Variants in ARNT2 observed in about 807,000 individuals in gnomAD.
ARNT2 encodes ARNT protein 2.
In ARNT2, 36 loss-of-function variants were observed where a neutral mutation model predicts 91.7. The observed-to-expected ratio is 0.39, with a 90% CI of 0.30 to 0.52. ARNT2 has a LOEUF of 0.52. ARNT2 is among the 20% of genes least tolerant of loss of function. ARNT2 has a pLI of 0.72. For missense variants in ARNT2, 775 were observed against 939.3 expected (o/e 0.83, Z 2.29); for synonymous variants, 365 against 347.1 (o/e 1.05, Z -0.57).
intron 10 of ARNT2, 117 bp downstream of exon 10, chr15:80,552,891 C>CTGCCTAG (rs1898108402): frequency 7.6e-7 from 1 of 1,307,912 alleles, no homozygotes; most frequent in Non-Finnish European, 1.1e-6. Context: ...CATAAAGACC[C>CTGCCTAG]ATATACCCTG....
chr15:80,546,734 G>T (rs1897997078), intron 8 of ARNT2, among the ~76,000 whole-genome samples: 1 of 152,180 alleles, frequency 6.6e-6, no homozygotes, highest in Non-Finnish European at 1.5e-5. Context: ...GGAGGCTGAG[G>T]CAGGTGGATC....
At chr15:80,565,418 C>T (rs917335112) in intron 12 of ARNT2, among the ~76,000 whole-genome samples, 1 of 152,132 alleles carries the variant, frequency 6.6e-6, no homozygotes, top group African/African-American at 2.4e-5. Context: ...TTTTTAGCTC[C>T]TTGAGAAATC....
At chr15:80,414,410 T>G (rs1472426219) in intron 1 of ARNT2, among the ~76,000 whole-genome samples, 1 of 152,080 alleles carries the variant, frequency 6.6e-6, no homozygotes, top group Non-Finnish European at 1.5e-5. Flanking sequence ...CTCTGGACAG[T>G]GGCAACTAGA....
intron 1 of ARNT2, among the ~76,000 whole-genome samples, chr15:80,426,966 C>T (rs1241414785): frequency 6.6e-6 from 1 of 152,168 alleles, no homozygotes; most frequent in Non-Finnish European, 1.5e-5. Context: ...TTCATCCTAT[C>T]ATGGAAGCTC....
chr15:80,436,849 G>A (rs779262062), intron 1 of ARNT2, among the ~76,000 whole-genome samples: 4 of 152,182 alleles, frequency 2.6e-5, no homozygotes, highest in East Asian at 1.9e-4. Flanking sequence ...TGAGCCCAGC[G>A]GGCATGACTC....
intron 5 of ARNT2, among the ~76,000 whole-genome samples, chr15:80,479,841 G>C (rs1009915484): frequency 1.3e-5 from 2 of 152,140 alleles, no homozygotes; most frequent in African/African-American, 4.8e-5. Context: ...GGGAGACTCT[G>C]AGCTAAGATG....
Position 80,470,275 on chromosome 15 carries a change from G to T in ARNT2, c.252G>T (p.Thr84=), listed in dbSNP as rs755964901. Residue 84 remains threonine (T), a synonymous_variant, in exon 4 of 19, where the codon ACG becomes ACT. Coordinates refer to ENST00000303329, the MANE Select transcript of ARNT2 (RefSeq NM_014862.4). ...GGAACAAGATGACTCAGTACATCAC[G>T]GAGCTCTCCGACATGGTCCCCACAT... ...RRRNKMTQYI[T]ELSDMVPTCS... 1 of 1,614,130 alleles carries T rather than the reference G, an allele frequency of 6.2e-7. No homozygotes were observed. The highest frequency in any genetic ancestry group is 1.1e-5 in the South Asian group (1 of 91,066).
At chr15:80,466,560 G>A (rs1197315911) in intron 3 of ARNT2, among the ~76,000 whole-genome samples, 1 of 152,220 alleles carries the variant, frequency 6.6e-6, no homozygotes, top group Non-Finnish European at 1.5e-5. Flanking sequence ...CCTCCAGGCA[G>A]ACCCCAAATT....
chr15:80,590,701 C>A (rs1331846844), intron 17 of ARNT2, among the ~76,000 whole-genome samples: 1 of 152,234 alleles, frequency 6.6e-6, no homozygotes, highest in Admixed American at 6.5e-5. Flanking sequence ...ATGATTGCAC[C>A]ACTGCATTCC....
chr15:80,530,031 G>A (rs1897710394), intron 8 of ARNT2, among the ~76,000 whole-genome samples: 1 of 152,106 alleles, frequency 6.6e-6, no homozygotes, highest in African/African-American at 2.4e-5. Context: ...TCCTTTTCTA[G>A]TGGAAACATT....
At chr15:80,431,249 C>T (rs111786428) in intron 1 of ARNT2, among the ~76,000 whole-genome samples, 5 of 152,336 alleles carry the variant, frequency 3.3e-5, no homozygotes, top group African/African-American at 1.2e-4. Context: ...GCATGTTCTT[C>T]TCGAGGGCCT....
intron 8 of ARNT2, among the ~76,000 whole-genome samples, chr15:80,514,611 A>C (rs1897401998): frequency 6.6e-6 from 1 of 152,154 alleles, no homozygotes; most frequent in Non-Finnish European, 1.5e-5. Context: ...GTGCAACCAG[A>C]CGCAGTGGCT....
At chr15:80,440,955 C>T (rs1047325057) in intron 1 of ARNT2, among the ~76,000 whole-genome samples, 2 of 152,170 alleles carry the variant, frequency 1.3e-5, no homozygotes, top group African/African-American at 4.8e-5. Context: ...CCCATGGAGG[C>T]CCTTTGGGAA....
At chr15:80,524,874 CAAAA>C (rs36043186) in intron 8 of ARNT2, among the ~76,000 whole-genome samples, 1 of 89,292 alleles carries the variant, frequency 1.1e-5, no homozygotes. Flanking sequence ...GACTCTGTCT[CAAAA>C]AAAAAAAAAA....
At chr15:80,429,105 T>C (rs1037837009) in intron 1 of ARNT2, among the ~76,000 whole-genome samples, 6 of 152,150 alleles carry the variant, frequency 3.9e-5, no homozygotes, top group African/African-American at 1.4e-4. Context: ...TAATAAGAAA[T>C]ATATATTTGG....
rs1255996191 is a variant in ARNT2 at position 80,591,118 on chromosome 15, G to A, written c.1919-450G>A. 1.3e-5 allele frequency among the ~76,000 whole-genome samples: 2 copies of A among 152,232 alleles called. No individual in the cohort carries two copies. The highest frequency in any genetic ancestry group is 2.9e-5 in the Non-Finnish European group (2 of 68,046). ...CTTTCAAGAGCATTCGGTGGACCGAGAGGGAATCAGGAGCAGGGGCAGGTG... is the reference window on the plus strand; with the variant it reads ...CTTTCAAGAGCATTCGGTGGACCGAAAGGGAATCAGGAGCAGGGGCAGGTG... On this transcript the variant is annotated intron_variant, in intron 17 of 18. Transcript: ENST00000303329. This position sits in a 1 kb window ranked among gnomAD's most constrained non-coding sequence, Gnocchi z 5.1.
intron 5 of ARNT2, among the ~76,000 whole-genome samples, chr15:80,483,307 G>A (rs1015070014): frequency 5.3e-5 from 5 of 94,924 alleles, no homozygotes; most frequent in African/African-American, 1.3e-4. Context: ...AATAGTGATT[G>A]TGCTGGGGGC....
At chr15:80,445,507 A>C (rs1018566826) in intron 1 of ARNT2, among the ~76,000 whole-genome samples, 3 of 149,498 alleles carry the variant, frequency 2.0e-5, no homozygotes, top group East Asian at 4.0e-4. Flanking sequence ...AGTGGTATGC[A>C]TGTGTGTTGA....
chr15:80,510,697 C>T (rs940163710), intron 6 of ARNT2, among the ~76,000 whole-genome samples: 13 of 150,872 alleles, frequency 8.6e-5, no homozygotes, highest in East Asian at 1.9e-4. Context: ...GGTGTGGTGA[C>T]GCGTGCTTGT....
Sources: gnomAD v4.1 joint callset for allele counts (sites outside exome capture counted in the v4.1 genomes callset) on GRCh38, gnomAD v4.1.1 for gene constraint, Gnocchi (gnomAD v3.1) non-coding constraint, MANE v1.5 for transcripts, NCBI Gene and HGNC (gene_info 2026-07-23, HGNC 2026-07-21) for gene names.